Variants in TET2 observed in about 807,000 individuals in gnomAD.
The protein encoded by TET2 is methylcytosine dioxygenase TET2.
In TET2, 299 loss-of-function variants were observed where a neutral mutation model predicts 142.9. The ratio of observed to expected loss-of-function variants is 2.09; its 90% CI spans 1.90 to 2.30. The LOEUF (loss-of-function observed/expected upper bound fraction) is 2.30, where lower values mean the gene tolerates loss of function less well. Ranked by LOEUF, TET2 falls within the 30% of genes most tolerant of loss-of-function variation. The probability of loss-of-function intolerance (pLI) is 0.00; values close to 1 mark genes in which losing one functional copy is unlikely to be tolerated. For missense variants in TET2, 2,418 were observed against 2,378.0 expected (o/e 1.02, Z -0.35); for synonymous variants, 819 against 849.0 (o/e 0.96, Z 0.61).
Position 105,250,361 on chromosome 4 carries a change from T to C in TET2, c.3803+6583T>C, listed in dbSNP as rs13107611. On this transcript the variant is annotated intron_variant, in intron 6 of 10. Coordinates refer to ENST00000380013, the MANE Select transcript of TET2 (RefSeq NM_001127208.3). ...TTTCCATATGCATTTTAAGATCAGC[T>C]TCTCCGTTTCCTTTCTGGATTTTTT... 7.5e-3 allele frequency among the ~76,000 whole-genome samples: 1,133 copies of C among 150,090 alleles called. 10 individuals are homozygous for C. The highest frequency in any genetic ancestry group is 0.021 in the Middle Eastern group (6 of 292).
At chr4:105,262,485 C>T (rs1338062550) in intron 8 of TET2, among the ~76,000 whole-genome samples, 1 of 152,076 alleles carries the variant, frequency 6.6e-6, no homozygotes, top group African/African-American at 2.4e-5. Context: ...GTTTCAGTAA[C>T]ATCAACAACA....
chr4:105,216,327 A>ATT (rs1435043947), intron 2 of TET2, among the ~76,000 whole-genome samples: 6 of 152,128 alleles, frequency 3.9e-5, no homozygotes, highest in Non-Finnish European at 5.9e-5. Flanking sequence ...TTTTAATCAA[A>ATT]GTTCTTTCAT....
At chr4:105,166,808 A>T (rs894090992) in intron 1 of TET2, among the ~76,000 whole-genome samples, 3 of 152,058 alleles carry the variant, frequency 2.0e-5, no homozygotes, top group Non-Finnish European at 4.4e-5. Context: ...TATGAGATAG[A>T]TATCTGATGC....
intron 2 of TET2, among the ~76,000 whole-genome samples, chr4:105,196,233 A>G (rs1169231498): frequency 6.6e-6 from 1 of 150,732 alleles, no homozygotes; most frequent in African/African-American, 2.5e-5. Flanking sequence ...AAATCTGACC[A>G]TCTATACCCC....
intron 1 of TET2, among the ~76,000 whole-genome samples, chr4:105,187,894 C>T (rs1248689297): frequency 6.6e-6 from 1 of 152,110 alleles, no homozygotes; most frequent in African/African-American, 2.4e-5. Context: ...GGAACCCTGA[C>T]ACATTGCTAG....
At chr4:105,215,921 A>G (rs1190053139) in intron 2 of TET2, among the ~76,000 whole-genome samples, 1 of 152,202 alleles carries the variant, frequency 6.6e-6, no homozygotes, top group Non-Finnish European at 1.5e-5. Flanking sequence ...CTGTAAGTCA[A>G]TACCTTTGAA....
At chr4:105,256,852 C>T (rs562859145) in intron 6 of TET2, among the ~76,000 whole-genome samples, 1 of 152,140 alleles carries the variant, frequency 6.6e-6, no homozygotes, top group South Asian at 2.1e-4. Context: ...TTCAACTCTG[C>T]TATTGAACCC....
At chr4:105,254,886 A>G (rs1205317109) in intron 6 of TET2, among the ~76,000 whole-genome samples, 1 of 152,212 alleles carries the variant, frequency 6.6e-6, no homozygotes, top group African/African-American at 2.4e-5. Context: ...TTATGACTGG[A>G]TGCCTTTGGA....
At chr4:105,232,973 G>A (rs1376973564) in intron 2 of TET2, among the ~76,000 whole-genome samples, 7 of 152,150 alleles carry the variant, frequency 4.6e-5, no homozygotes, top group Non-Finnish European at 8.8e-5. Context: ...AAGCCAGTGT[G>A]TTAAAGAGAA....
At chr4:105,249,967 T>C (rs980832634) in intron 6 of TET2, among the ~76,000 whole-genome samples, 1 of 152,206 alleles carries the variant, frequency 6.6e-6, no homozygotes, top group African/African-American at 2.4e-5. Flanking sequence ...ATTTAAGAAA[T>C]CATTGCCTCA....
intron 1 of TET2, among the ~76,000 whole-genome samples, chr4:105,169,562 G>C (rs1724341022): frequency 6.6e-6 from 1 of 152,104 alleles, no homozygotes; most frequent in Non-Finnish European, 1.5e-5. Flanking sequence ...TCCTATTGCT[G>C]TGCAGAGGCT....
intron 1 of TET2, among the ~76,000 whole-genome samples, chr4:105,152,065 G>A (rs1217807275): frequency 2.6e-5 from 4 of 152,126 alleles, no homozygotes; most frequent in Non-Finnish European, 5.9e-5. Context: ...ATCACCTGAC[G>A]TCAGGAATTC....
Position 105,268,887 on chromosome 4 carries a change from C to T in TET2, c.4045-723C>T, listed in dbSNP as rs575927019. On this transcript the variant is annotated intron_variant, in intron 8 of 10. Coordinates refer to ENST00000380013, the MANE Select transcript of TET2 (RefSeq NM_001127208.3). ...GCTTGGGAGGTTGAGGCCTGAGAAT[C>T]GCTTGAATCCAGGAGGCAGAGGTTG... is the stretch of plus-strand genomic sequence containing the variant. Among the ~76,000 whole-genome samples, 84 of 152,222 alleles carry T rather than the reference C, an allele frequency of 5.5e-4. 1 individual carries two copies. The highest frequency in any genetic ancestry group is 4.8e-3 in the Admixed American group (74 of 15,288).
intron 2 of TET2, among the ~76,000 whole-genome samples, chr4:105,221,203 G>C (rs953697955): frequency 6.6e-6 from 1 of 152,026 alleles, no homozygotes; most frequent in African/African-American, 2.4e-5. Flanking sequence ...GAAAGGCCAG[G>C]AATAAGCCCA....
intron 1 of TET2, among the ~76,000 whole-genome samples, chr4:105,164,183 A>G (rs188172269): frequency 1.1e-4 from 16 of 152,278 alleles, no homozygotes; most frequent in Non-Finnish European, 2.1e-4. Flanking sequence ...TCCTTTGACA[A>G]ACCTATTTCC....
At chr4:105,261,932 G>A (rs990004817) in intron 8 of TET2, 84 bp downstream of exon 8, 1 of 808,390 alleles carries the variant, frequency 1.2e-6, no homozygotes, top group South Asian at 1.8e-5. Context: ...TTGAAACAAT[G>A]ATTTTTAAAT....
chr4:105,195,826 A>G (rs1297664863), intron 2 of TET2, among the ~76,000 whole-genome samples: 2 of 152,256 alleles, frequency 1.3e-5, no homozygotes, highest in African/African-American at 4.8e-5. Flanking sequence ...CAATTTTGTA[A>G]TTCTCAACCA....
chr4:105,214,113 A>G (rs1181430710), intron 2 of TET2, among the ~76,000 whole-genome samples: 1 of 151,962 alleles, frequency 6.6e-6, no homozygotes, highest in Non-Finnish European at 1.5e-5. Context: ...GGCCTCATAA[A>G]GTGCTAGGAC....
At chr4:105,244,586 GTTTTTTTTTTT>G (rs566674796) in intron 6 of TET2, among the ~76,000 whole-genome samples, 1 of 66,696 alleles carries the variant, frequency 1.5e-5, no homozygotes, top group Non-Finnish European at 3.4e-5. Flanking sequence ...ACACAGAAAT[GTTTTTTTTTTT>G]TTTTTTTTTT....
Sources: gnomAD v4.1 joint callset for allele counts (sites outside exome capture counted in the v4.1 genomes callset) on GRCh38, gnomAD v4.1.1 for gene constraint, MANE v1.5 for transcripts, NCBI Gene and HGNC (gene_info 2026-07-23, HGNC 2026-07-21) for gene names.